The following CRBN variants were observed in gnomAD, a reference collection of about 807,000 sequenced individuals.
CRBN encodes the protein protein cereblon.
CRBN carries 53 observed loss-of-function variants against 62.2 expected under a neutral mutation model. The observed-to-expected ratio is 0.85, with a 90% confidence interval of 0.68 to 1.07. The LOEUF is 1.07. Among genes scored for constraint, CRBN ranks in the 50% least tolerant of loss-of-function variants. The pLI is 0.00. For synonymous variants in CRBN, 208 were observed against 176.1 expected (o/e 1.18, Z -1.43); for missense variants, 616 against 531.1 (o/e 1.16, Z -1.57).
chr3:3,175,649 GT>G (rs1227957084), intron 1 of CRBN, among the ~76,000 whole-genome samples: 1 of 152,130 alleles, frequency 6.6e-6, no homozygotes. Context: ...GATTCCCTTA[GT>G]TTTTATCTAG....
intron 4 of CRBN, among the ~76,000 whole-genome samples, chr3:3,168,036 GA>G (rs1463862526): frequency 1.2e-5 from 1 of 85,072 alleles, no homozygotes; most frequent in Non-Finnish European, 2.5e-5. Flanking sequence ...CTGTGGAATG[GA>G]AAGGGAGATC....
chr3:3,174,940 G>C (rs1707770519), intron 2 of CRBN, among the ~76,000 whole-genome samples: 1 of 152,108 alleles, frequency 6.6e-6, no homozygotes, highest in Non-Finnish European at 1.5e-5. Flanking sequence ...TCAATTACCA[G>C]AAAGAGTATA....
At chr3:3,156,014 G>C in intron 6 of CRBN, 2 of 553,758 alleles carry the variant, frequency 3.6e-6, no homozygotes, top group Non-Finnish European at 6.6e-6. Flanking sequence ...ATGTTGCCCA[G>C]GCTGGTCTTG....
intron 1 of CRBN, among the ~76,000 whole-genome samples, chr3:3,178,650 C>A (rs1190073311): frequency 2.0e-5 from 3 of 152,134 alleles, no homozygotes; most frequent in Non-Finnish European, 4.4e-5. Flanking sequence ...TTTATCTGGC[C>A]CTAAATCAAC....
At position 3,162,154 on chromosome 3, in the gene CRBN, G is replaced by T. The variant is rs116498188; in HGVS notation, c.687+5480C>A. Among the ~76,000 whole-genome samples, 206 of 152,288 alleles carry T rather than the reference G, an allele frequency of 1.4e-3. 2 individuals carry two copies. The highest frequency in any genetic ancestry group is 6.8e-3 in the Middle Eastern group (2 of 294). ...AAAGATGAGACTCATTACTTTCTTA[G>T]TATCTGTTTCCCATTTGACTTATCT... On this transcript the variant is annotated intron_variant, in intron 5 of 10. Transcript: ENST00000231948.
At chr3:3,178,528 C>A (rs1476224236) in intron 1 of CRBN, among the ~76,000 whole-genome samples, 1 of 152,182 alleles carries the variant, frequency 6.6e-6, no homozygotes, top group Non-Finnish European at 1.5e-5. Context: ...TGTCCCACAA[C>A]CATATCCTAA....
In CRBN at chr3:3,155,004, T is replaced by C. The variant is rs1450825776; in HGVS notation, c.751-173A>G. On this transcript the variant is annotated intron_variant, in intron 6 of 10. Transcript: ENST00000231948. Reference sequence around the variant, plus strand: ...GCAGCAATGATCAAGCTCCAGCTCCTTTGCCCAGCACTGTCTGCCTTCCAG... The same window carrying C: ...GCAGCAATGATCAAGCTCCAGCTCCCTTGCCCAGCACTGTCTGCCTTCCAG... The C allele has an allele frequency of 4.8e-6, 3 of 625,658 alleles. No individual in the cohort carries two copies. In the South Asian group the frequency reaches 5.7e-5, roughly 12 times the overall value. 38.8% of individuals were successfully genotyped at this position (625,658 alleles called of 1,614,324 possible).
At chr3:3,151,294 A>C (rs921416714) in intron 10 of CRBN, among the ~76,000 whole-genome samples, 1 of 152,202 alleles carries the variant, frequency 6.6e-6, no homozygotes, top group Non-Finnish European at 1.5e-5. Flanking sequence ...AGAAATAAAG[A>C]GTAATCTTAA....
chr3:3,155,073 A>G (rs1369673276), intron 6 of CRBN: 2 of 529,902 alleles, frequency 3.8e-6, no homozygotes, highest in Admixed American at 3.2e-5. Context: ...TATGCTCCCA[A>G]CTCCCTTGCA....
intron 5 of CRBN, among the ~76,000 whole-genome samples, chr3:3,159,578 T>A (rs1041323325): frequency 6.6e-6 from 1 of 152,242 alleles, no homozygotes; most frequent in African/African-American, 2.4e-5. Context: ...GGATCAGGCA[T>A]TCACTCTGCC....
intron 10 of CRBN, 125 bp from the exon 11 acceptor site, chr3:3,151,170 T>G: frequency 1.9e-6 from 2 of 1,034,296 alleles, no homozygotes; most frequent in Non-Finnish European, 2.9e-6. Context: ...AAGTTGAGAT[T>G]TGATCCATAC....
chr3:3,159,751 A>G (rs1020735038), intron 5 of CRBN, among the ~76,000 whole-genome samples: 4 of 152,174 alleles, frequency 2.6e-5, no homozygotes, highest in African/African-American at 9.7e-5. Flanking sequence ...AGAGACATAT[A>G]CCAGAACAGA....
chr3:3,177,353 G>T (rs1400426121), intron 1 of CRBN, among the ~76,000 whole-genome samples: 1 of 152,124 alleles, frequency 6.6e-6, no homozygotes, highest in Non-Finnish European at 1.5e-5. Context: ...TTTTCAATAT[G>T]GTAACTGCCT....
At chr3:3,156,811 A>G (rs190770957) in intron 5 of CRBN, 1 of 155,508 alleles carries the variant, frequency 6.4e-6, no homozygotes, top group Admixed American at 6.3e-5. Context: ...AGGAGAGGGG[A>G]AACCGATTAT....
At chr3:3,158,587 G>A (rs1707009099) in intron 5 of CRBN, among the ~76,000 whole-genome samples, 1 of 152,224 alleles carries the variant, frequency 6.6e-6, no homozygotes, top group Non-Finnish European at 1.5e-5. Context: ...ACATCAAGTA[G>A]CTCTGAATCT....
At chr3:3,179,541 C>A in intron 1 of CRBN, 80 bp downstream of exon 1, 2 of 1,419,116 alleles carry the variant, frequency 1.4e-6, no homozygotes, top group Non-Finnish European at 2.0e-6. Flanking sequence ...CCCACGCCCG[C>A]CTCCCAGGCC....
chr3:3,164,201 AAAG>A (rs1464488620), intron 5 of CRBN, among the ~76,000 whole-genome samples: 1 of 152,224 alleles, frequency 6.6e-6, no homozygotes, highest in Non-Finnish European at 1.5e-5. Context: ...GCTCAAGTGA[AAAG>A]AAGAGTAGTC....
At chr3:3,162,321 T>A (rs1023658011) in intron 5 of CRBN, among the ~76,000 whole-genome samples, 12 of 152,108 alleles carry the variant, frequency 7.9e-5, no homozygotes, top group Non-Finnish European at 1.6e-4. Context: ...TTCCTCTTTT[T>A]TTTTGAGGAG....
rs116607595 is a variant in CRBN, at chr3:3,169,535, T to G, written c.528-1742A>C. Among the ~76,000 whole-genome samples, 274 of 152,266 alleles carry G rather than the reference T, an allele frequency of 1.8e-3. 2 individuals carry two copies. The highest frequency in any genetic ancestry group is 6.2e-3 in the African/African-American group (258 of 41,548). On this transcript the variant is annotated intron_variant, in intron 4 of 10. Transcript: ENST00000231948. ...CACTCAAATTGCCTTGTGACTATCTTTAGAATCCCTCTTTAAAGAAAAACT... is the reference window on the plus strand; with the variant it reads ...CACTCAAATTGCCTTGTGACTATCTGTAGAATCCCTCTTTAAAGAAAAACT...
Sources: gnomAD v4.1 joint callset for allele counts (sites outside exome capture counted in the v4.1 genomes callset) on GRCh38, gnomAD v4.1.1 for gene constraint, MANE v1.5 for transcripts, NCBI Gene and HGNC (gene_info 2026-07-23, HGNC 2026-07-21) for gene names.